ADGRB3: variants seen among roughly 807,000 people sequenced by gnomAD.
ADGRB3 encodes the protein brain-specific angiogenesis inhibitor 3.
ADGRB3 carries 37 observed loss-of-function variants against 193.4 expected under a neutral mutation model. The ratio of observed to expected loss-of-function variants is 0.19; its 90% CI spans 0.15 to 0.25. The LOEUF (loss-of-function observed/expected upper bound fraction) is 0.25, where lower values mean the gene tolerates loss of function less well. Ranked by LOEUF, ADGRB3 falls within the 10% of genes least tolerant of loss-of-function variation. The pLI, the probability that ADGRB3 is intolerant of heterozygous loss-of-function variation, is 1.00. For missense variants in ADGRB3, 1,637 were observed against 1,852.9 expected, an observed-to-expected ratio of 0.88 and a Z score of 2.14; for synonymous variants, 690 against 644.2, an observed-to-expected ratio of 1.07 and a Z score of -1.08.
At chr6:68,932,344 G>A (rs1460229710) in intron 4 of ADGRB3, among the ~76,000 whole-genome samples, 2 of 151,890 alleles carry the variant, frequency 1.3e-5, no homozygotes, top group Admixed American at 1.3e-4. Context: ...TTTTGTACAA[G>A]TTTTTTTTAT....
At chr6:69,298,755 A>G (rs141683360) in intron 20 of ADGRB3, among the ~76,000 whole-genome samples, 1 of 151,932 alleles carries the variant, frequency 6.6e-6, no homozygotes, top group Non-Finnish European at 1.5e-5. Context: ...ATTTTGTATT[A>G]ATATGACTTT....
intron 17 of ADGRB3, among the ~76,000 whole-genome samples, chr6:69,112,490 G>A (rs1468691318): frequency 1.3e-5 from 2 of 151,978 alleles, no homozygotes; most frequent in Non-Finnish European, 2.9e-5. Context: ...GAGAGCACTG[G>A]GGACAAGTTA....
At chr6:68,754,750 A>AC (rs911550063) in intron 3 of ADGRB3, among the ~76,000 whole-genome samples, 15 of 148,970 alleles carry the variant, frequency 1.0e-4, no homozygotes, top group African/African-American at 3.7e-4. Context: ...AAAAAAAAAA[A>AC]CAGCATTAGA....
chr6:68,858,910 C>T (rs1765070543), intron 3 of ADGRB3, among the ~76,000 whole-genome samples: 1 of 152,086 alleles, frequency 6.6e-6, no homozygotes, highest in South Asian at 2.1e-4. Context: ...GCCCTTGAGA[C>T]ATTTTCCTCA....
rs542288391 is a variant in ADGRB3 at position 68,859,695 on chromosome 6, C to A, written c.758-70864C>A. On this transcript the variant is annotated intron_variant, in intron 3 of 31. Transcript: ENST00000370598. The stretch of plus-strand genomic sequence containing the variant: ...ATGAGAACAGCATGGGAAAGACCCA[C>A]CCCTAGGATTCAATTATCTCCCACC... Among the ~76,000 whole-genome samples, 10 of 152,250 alleles carry A rather than the reference C, an allele frequency of 6.6e-5. No individual in the cohort carries two copies. In the East Asian group the frequency reaches 1.9e-3, roughly 29 times the overall value.
chr6:68,799,336 T>G (rs1429378013), intron 3 of ADGRB3, among the ~76,000 whole-genome samples: 1 of 152,180 alleles, frequency 6.6e-6, no homozygotes, highest in East Asian at 1.9e-4. Flanking sequence ...ATCTTATATT[T>G]CTTCCCAGTT....
intron 3 of ADGRB3, among the ~76,000 whole-genome samples, chr6:68,892,460 C>T (rs1240573101): frequency 3.9e-5 from 6 of 152,114 alleles, no homozygotes; most frequent in Non-Finnish European, 1.5e-5. Flanking sequence ...TTCCTTGAGC[C>T]CCTTATGTAA....
At chr6:68,998,812 G>A (rs990988156) in intron 11 of ADGRB3, among the ~76,000 whole-genome samples, 2 of 152,162 alleles carry the variant, frequency 1.3e-5, no homozygotes, top group South Asian at 2.1e-4. Flanking sequence ...GCTGTACCCC[G>A]AAGAGGTGGT....
intron 3 of ADGRB3, among the ~76,000 whole-genome samples, chr6:68,839,895 T>C (rs987485816): frequency 6.6e-6 from 1 of 152,004 alleles, no homozygotes; most frequent in South Asian, 2.1e-4. Context: ...CTTGTATGCA[T>C]AGGGGAGGGA....
At chr6:68,932,199 A>T (rs1018030070) in intron 4 of ADGRB3, among the ~76,000 whole-genome samples, 3 of 152,148 alleles carry the variant, frequency 2.0e-5, no homozygotes, top group African/African-American at 7.2e-5. Context: ...TGCAAAAGAG[A>T]TGGCAGGCAT....
chr6:68,956,717 G>A lies in ADGRB3; in HGVS notation c.1433G>A (p.Arg478Gln), dbSNP rs1485131142. ...TCCTGTGATGGCGGCTGGGAAAGGC[G>A]AATAAGGACCTGTCAGGGTGCAGTG... ...SKSCDGGWER[R>Q]IRTCQGAVIT... Residue 478 changes from arginine to glutamine, a missense_variant, in exon 8 of 32, where the codon CGA becomes CAA. This residue lies in a region of ADGRB3 where 641 missense variants were observed against 673.9 expected (regional missense o/e 0.95). Coordinates refer to ENST00000370598, the MANE Select transcript of ADGRB3 (RefSeq NM_001704.3). The A allele has an allele frequency of 9.3e-6, 15 of 1,613,952 alleles. No homozygotes were observed. The highest frequency in any genetic ancestry group is 2.2e-5 in the East Asian group (1 of 44,862).
At chr6:68,858,817 C>T (rs112355601) in intron 3 of ADGRB3, among the ~76,000 whole-genome samples, 6 of 152,252 alleles carry the variant, frequency 3.9e-5, no homozygotes, top group African/African-American at 1.4e-4. Flanking sequence ...GTGGGAGGCC[C>T]TGGGCCTGGC....
At chr6:69,010,714 A>C (rs183438769) in intron 11 of ADGRB3, among the ~76,000 whole-genome samples, 1 of 151,456 alleles carries the variant, frequency 6.6e-6, no homozygotes, top group Non-Finnish European at 1.5e-5. Flanking sequence ...AACAGTTCAG[A>C]TTCTGCCAAG....
chr6:68,939,847 T>G (rs1157269494), intron 5 of ADGRB3, among the ~76,000 whole-genome samples: 1 of 152,184 alleles, frequency 6.6e-6, no homozygotes, highest in African/African-American at 2.4e-5. Flanking sequence ...GTAACTGATT[T>G]GTCACATTTT....
intron 20 of ADGRB3, among the ~76,000 whole-genome samples, chr6:69,262,478 C>T (rs918917786): frequency 6.6e-6 from 1 of 151,910 alleles, no homozygotes; most frequent in East Asian, 1.9e-4. Flanking sequence ...GTGGTTAGGA[C>T]CACAGTCATG....
intron 17 of ADGRB3, among the ~76,000 whole-genome samples, chr6:69,162,937 A>C (rs990464962): frequency 6.6e-6 from 1 of 152,016 alleles, no homozygotes; most frequent in Non-Finnish European, 1.5e-5. Flanking sequence ...AGACCGTGGG[A>C]GCTGATGACA....
At chr6:69,310,702 G>A (rs990494820) in intron 20 of ADGRB3, among the ~76,000 whole-genome samples, 5 of 151,558 alleles carry the variant, frequency 3.3e-5, no homozygotes, top group African/African-American at 1.2e-4. Context: ...AAATGTTCCT[G>A]TGAAATGTTT....
At chr6:68,995,174 C>T (rs1182216946) in intron 11 of ADGRB3, among the ~76,000 whole-genome samples, 7 of 152,104 alleles carry the variant, frequency 4.6e-5, no homozygotes, top group Non-Finnish European at 8.8e-5. Flanking sequence ...TTTTCTCTTA[C>T]AAAGATGAAA....
intron 11 of ADGRB3, among the ~76,000 whole-genome samples, chr6:69,002,074 C>T (rs1369850935): frequency 6.6e-6 from 1 of 152,076 alleles, no homozygotes; most frequent in Non-Finnish European, 1.5e-5. Context: ...TTCTCAATAG[C>T]TGAGATTAAA....
Sources: gnomAD v4.1 joint callset for allele counts (sites outside exome capture counted in the v4.1 genomes callset) on GRCh38, gnomAD v4.1.1 for gene constraint, gnomAD v4.1.1 regional missense constraint, MANE v1.5 for transcripts, NCBI Gene and HGNC (gene_info 2026-07-23, HGNC 2026-07-21) for gene names.